Variants in LRRC37A2 observed in about 807,000 individuals in gnomAD.
LRRC37A2 encodes leucine-rich repeat-containing protein 37A2.
A neutral mutation model predicts 68.8 loss-of-function variants in LRRC37A2; 9 were observed. The observed-to-expected ratio is 0.13, with a 90% CI of 0.08 to 0.23. The LOEUF (loss-of-function observed/expected upper bound fraction) is 0.23. Among genes scored for constraint, LRRC37A2 ranks in the 10% least tolerant of loss-of-function variants. The pLI, the probability that LRRC37A2 is intolerant of heterozygous loss-of-function variation, is 1.00. For missense variants in LRRC37A2, 168 were observed against 950.4 expected (o/e 0.18, Z 10.82); for synonymous variants, 63 against 367.6 (o/e 0.17, Z 9.48).
chr17:47,046,188 A>G, the LRRC37A2 span, among the ~76,000 whole-genome samples: 1 of 138,572 alleles, frequency 7.2e-6, no homozygotes, highest in African/African-American at 2.7e-5. Context: ...TACAAAAAAA[A>G]AAAAAATTAG....
the LRRC37A2 span, among the ~76,000 whole-genome samples, chr17:46,679,305 C>T: frequency 2.9e-5 from 4 of 139,326 alleles, no homozygotes; most frequent in African/African-American, 1.1e-4. Flanking sequence ...TAACTTTTCT[C>T]TATGTGTGAT....
chr17:46,782,650 G>A, the LRRC37A2 span, among the ~76,000 whole-genome samples: 1 of 152,224 alleles, frequency 6.6e-6, no homozygotes, highest in East Asian at 1.9e-4. Flanking sequence ...AGGGGCATGT[G>A]TGCACACCGT....
At chr17:46,895,053 T>C in the LRRC37A2 span, among the ~76,000 whole-genome samples, 71,810 of 152,104 alleles carry the variant, frequency 0.47, 20,320 homozygotes, top group African/African-American at 0.8. Flanking sequence ...CCAGACAGGC[T>C]GGATCCCACC....
the LRRC37A2 span, chr17:46,935,229 T>A: frequency 6.2e-7 from 1 of 1,605,472 alleles, no homozygotes; most frequent in Admixed American, 1.7e-5. Context: ...TCCAACAGTT[T>A]AGTAACTGTG....
the LRRC37A2 span, among the ~76,000 whole-genome samples, chr17:46,811,996 A>G: frequency 1.3e-5 from 2 of 152,270 alleles, no homozygotes; most frequent in African/African-American, 4.8e-5. Flanking sequence ...AACTCTGCCC[A>G]GGTGCCTTAG....
chr17:46,835,297 C>T, the LRRC37A2 span, among the ~76,000 whole-genome samples: 3 of 152,222 alleles, frequency 2.0e-5, no homozygotes, highest in South Asian at 2.1e-4. Flanking sequence ...CTGCAAGCTC[C>T]GCCTCCCGGG....
chr17:46,929,441 A>C, the LRRC37A2 span: 3 of 790,398 alleles, frequency 3.8e-6, no homozygotes, highest in Non-Finnish European at 6.9e-6. Flanking sequence ...ACATGTTGGC[A>C]TCAGAAAAAT....
the LRRC37A2 span, among the ~76,000 whole-genome samples, chr17:47,035,821 T>G: frequency 0.12 from 18,003 of 152,174 alleles, 1,155 homozygotes; most frequent in South Asian, 0.22. Flanking sequence ...TTGTCAACAC[T>G]GTCGTTGTCT....
chr17:46,449,730 G>A, the LRRC37A2 span, among the ~76,000 whole-genome samples: 1 of 99,190 alleles, frequency 1.0e-5, no homozygotes, highest in African/African-American at 3.8e-5. Context: ...AAATGGTGGT[G>A]ATAGATGATG....
At chr17:46,904,697 T>C in the LRRC37A2 span, among the ~76,000 whole-genome samples, 5 of 152,172 alleles carry the variant, frequency 3.3e-5, no homozygotes, top group Non-Finnish European at 7.3e-5. Context: ...GTTCTCATTG[T>C]ATTCTCAATT....
the LRRC37A2 span, among the ~76,000 whole-genome samples, chr17:46,800,527 G>A: frequency 2.0e-5 from 3 of 152,118 alleles, no homozygotes; most frequent in Admixed American, 2.0e-4. Context: ...CTCTTACACT[G>A]GGAAGACAAG....
chr17:46,501,547 G>C, the LRRC37A2 span, among the ~76,000 whole-genome samples: 1 of 151,242 alleles, frequency 6.6e-6, no homozygotes, highest in Non-Finnish European at 1.5e-5. Flanking sequence ...ATATAAAGGA[G>C]ACTTTATCAT....
At chr17:46,930,981 CT>C in the LRRC37A2 span, 1 of 694,824 alleles carries the variant, frequency 1.4e-6, no homozygotes. Flanking sequence ...CATTTTTCTC[CT>C]TTTGAAATAT....
chr17:46,861,116 C>G, the LRRC37A2 span, among the ~76,000 whole-genome samples: 1 of 152,248 alleles, frequency 6.6e-6, no homozygotes, highest in African/African-American at 2.4e-5. Context: ...CAGTGGAACC[C>G]CAACTGGAGG....
chr17:46,392,389 TTC>T, the LRRC37A2 span, among the ~76,000 whole-genome samples: 6 of 59,760 alleles, frequency 1.0e-4, 1 homozygote, highest in Admixed American at 6.5e-4. Flanking sequence ...TTTTCTTTCT[TTC>T]TCTCTTTCTT....
At chr17:46,788,567 T>C in the LRRC37A2 span, among the ~76,000 whole-genome samples, 1 of 152,360 alleles carries the variant, frequency 6.6e-6, no homozygotes, top group African/African-American at 2.4e-5. Flanking sequence ...CCAATTCAAA[T>C]TGTTCCCTCT....
chr17:46,874,852 A>AG, the LRRC37A2 span: 4 of 624,682 alleles, frequency 6.4e-6, no homozygotes. Flanking sequence ...TGCTGGGATT[A>AG]GGGGCACGAG....
chr17:46,860,815 G>C, the LRRC37A2 span, among the ~76,000 whole-genome samples: 1 of 152,174 alleles, frequency 6.6e-6, no homozygotes, highest in Non-Finnish European at 1.5e-5. Flanking sequence ...TGGCAACCCA[G>C]GAGGTAGGTG....
At chr17:47,024,755 A>T in the LRRC37A2 span, 1 of 807,494 alleles carries the variant, frequency 1.2e-6, no homozygotes, top group Non-Finnish European at 2.2e-6. Context: ...AGTATTTGTA[A>T]GTTAGTTAAT....
Sources: allele counts gnomAD v4.1 joint callset (sites outside exome capture counted in the v4.1 genomes callset), GRCh38; gene constraint gnomAD v4.1.1; transcripts MANE v1.5; gene names NCBI Gene and HGNC (gene_info 2026-07-23, HGNC 2026-07-21).